The following PTPRC variants were observed in gnomAD, a reference collection of about 807,000 sequenced individuals.
PTPRC encodes the protein receptor-type tyrosine-protein phosphatase C.
In PTPRC, 44 loss-of-function variants were observed where a neutral mutation model predicts 155.9. That is an observed-to-expected ratio of 0.28 (90% CI 0.22 to 0.36). The LOEUF is 0.36. Among genes scored for constraint, PTPRC ranks in the 10% least tolerant of loss-of-function variants. The pLI is 1.00. For synonymous variants in PTPRC, 525 were observed against 533.1 expected (o/e 0.98, Z 0.21); for missense variants, 1,401 against 1,564.6 (o/e 0.90, Z 1.76).
chr1:198,708,129 T>G lies in PTPRC; in HGVS notation c.905-4T>G. The G allele has an allele frequency of 6.2e-7, 1 of 1,601,128 alleles. No homozygotes were observed. The highest frequency in any genetic ancestry group is 8.6e-7 in the Non-Finnish European group (1 of 1,169,326). ...TCAAGTTTATTTCTGTATCTTCTTGTCAGGGGTTGAAAAGTTTCAGTTACA... is the reference window on the plus strand; with the variant it reads ...TCAAGTTTATTTCTGTATCTTCTTGGCAGGGGTTGAAAAGTTTCAGTTACA... On this transcript the variant is annotated splice_polypyrimidine_tract_variant and splice_region_variant and intron_variant, in intron 9 of 32. Coordinates refer to ENST00000442510, the MANE Select transcript of PTPRC (RefSeq NM_002838.5).
chr1:198,691,198 A>C (rs1269527031), intron 2 of PTPRC, among the ~76,000 whole-genome samples: 1 of 152,030 alleles, frequency 6.6e-6, no homozygotes, highest in African/African-American at 2.4e-5. Context: ...CTATATGCTG[A>C]TCTATAGCAT....
At chr1:198,664,588 C>T (rs1157325668) in intron 2 of PTPRC, among the ~76,000 whole-genome samples, 4 of 152,130 alleles carry the variant, frequency 2.6e-5, no homozygotes, top group Non-Finnish European at 4.4e-5. Flanking sequence ...ATACAGTGGC[C>T]TTTAATACTA....
In PTPRC at chr1:198,670,175, T is replaced by C. The variant is rs192349885; in HGVS notation, c.74-22172T>C. On this transcript the variant is annotated intron_variant, in intron 2 of 32. Coordinates refer to ENST00000442510, the MANE Select transcript of PTPRC (RefSeq NM_002838.5). ...GACCTGGTATAGCTTGACTGGGGCC[T>C]ACTTTACAGATTTGTCCTTAAGTAC... 2.6e-5 allele frequency among the ~76,000 whole-genome samples: 4 copies of C among 152,296 alleles called. No individual in the cohort carries two copies. In the East Asian group the frequency reaches 7.7e-4, roughly 29 times the overall value.
intron 2 of PTPRC, among the ~76,000 whole-genome samples, chr1:198,655,528 A>G (rs1023385834): frequency 6.6e-6 from 1 of 152,046 alleles, no homozygotes; most frequent in South Asian, 2.1e-4. Flanking sequence ...GCATTTTGGG[A>G]CAAGTTTTGA....
At chr1:198,688,069 G>T (rs1665728342) in intron 2 of PTPRC, among the ~76,000 whole-genome samples, 1 of 151,532 alleles carries the variant, frequency 6.6e-6, no homozygotes, top group African/African-American at 2.4e-5. Context: ...AAGATAAAAT[G>T]GTGTGTGGGG....
intron 8 of PTPRC, among the ~76,000 whole-genome samples, chr1:198,705,576 G>T (rs545496429): frequency 6.6e-6 from 1 of 151,160 alleles, no homozygotes; most frequent in Non-Finnish European, 1.5e-5. Context: ...ACATGCCACC[G>T]AGCCCAGCTG....
At chr1:198,694,333 G>GGGGGGT in intron 3 of PTPRC, 1 of 122,088 alleles carries the variant, frequency 8.2e-6, no homozygotes, top group Non-Finnish European at 1.4e-5. Flanking sequence ...GGGTGGGGGG[G>GGGGGGT]TTGGGGAGGG....
intron 2 of PTPRC, among the ~76,000 whole-genome samples, chr1:198,666,399 T>C (rs1395317993): frequency 6.6e-6 from 1 of 152,142 alleles, no homozygotes; most frequent in Admixed American, 6.5e-5. Flanking sequence ...AAAGATTCTT[T>C]TAGTGATCAT....
At position 198,731,634 on chromosome 1, in the gene PTPRC, A is replaced by G. The variant is rs760788576; in HGVS notation, c.1882A>G (p.Met628Val). Residue 628 changes from methionine to valine, a missense_variant, in exon 18 of 33, where the codon ATG becomes GTG. Physicochemically the swap from Met to Val is conservative, Grantham distance 21. Around this residue, in one of 3 missense-constraint regions of PTPRC, gnomAD observed 867 missense variants for 970.4 expected, o/e 0.89. Coordinates refer to ENST00000442510, the MANE Select transcript of PTPRC (RefSeq NM_002838.5). ...LVERDDEKQL[M>V]NVEPIHADIL... ...GTTTCCAGATGATGAAAAACAACTG[A>G]TGAATGTGGAGCCAATCCATGCAGA... 6.2e-7 allele frequency: 1 copy of G among 1,609,110 alleles called. No homozygotes were observed. The highest frequency in any genetic ancestry group is 2.2e-5 in the East Asian group (1 of 44,702).
chr1:198,718,050 C>A, intron 13 of PTPRC, 44 bp from the exon 14 acceptor site: 1 of 1,410,636 alleles, frequency 7.1e-7, no homozygotes, highest in Non-Finnish European at 1.0e-6. Flanking sequence ...TTTACATATG[C>A]ATCTATTAAA....
At chr1:198,696,648 CAT>C in intron 3 of PTPRC, 62 bp from the exon 4 acceptor site, 1 of 1,344,854 alleles carries the variant, frequency 7.4e-7, no homozygotes, top group Non-Finnish European at 1.1e-6. Context: ...CTGGGAGGAG[CAT>C]ACATTTAGGG....
At chr1:198,746,110 G>T (rs1200573033) in intron 26 of PTPRC, among the ~76,000 whole-genome samples, 1 of 151,724 alleles carries the variant, frequency 6.6e-6, no homozygotes, top group Non-Finnish European at 1.5e-5. Flanking sequence ...GATTATTCTT[G>T]TCAATGTTGA....
At chr1:198,740,634 G>A (rs978468570) in intron 23 of PTPRC, among the ~76,000 whole-genome samples, 21 of 151,698 alleles carry the variant, frequency 1.4e-4, no homozygotes, top group African/African-American at 5.1e-4. Context: ...AAAAAAGAGT[G>A]GAGACTCAAA....
chr1:198,720,538 C>T (rs1571868650), intron 14 of PTPRC, among the ~76,000 whole-genome samples: 1 of 152,014 alleles, frequency 6.6e-6, no homozygotes, highest in South Asian at 2.1e-4. Flanking sequence ...CCATGTTGGC[C>T]AGGCTGGCCT....
At chr1:198,712,042 A>T (rs1472715218) in intron 11 of PTPRC, among the ~76,000 whole-genome samples, 1 of 152,254 alleles carries the variant, frequency 6.6e-6, no homozygotes, top group Non-Finnish European at 1.5e-5. Context: ...AGGAAACATG[A>T]CAAAGCAGAT....
At position 198,702,520 on chromosome 1, in the gene PTPRC, G is replaced by C; in HGVS notation, c.573G>C (p.Ala191=). ...PARTSNTTIT[A]NTSDAYLNAS... is the part of the protein sequence containing the mutation. ...GCACCTCCAACACCACCATCACAGC[G>C]AACACCTCAGGTCTGACTATGCTGC... Residue 191 remains alanine (A), a synonymous_variant, in exon 6 of 33, where the codon GCG becomes GCC. Coordinates refer to ENST00000442510, the MANE Select transcript of PTPRC (RefSeq NM_002838.5). The C allele has an allele frequency of 6.2e-7, 1 of 1,614,150 alleles. No homozygotes were observed. The highest frequency in any genetic ancestry group is 1.3e-5 in the African/African-American group (1 of 75,036).
At chr1:198,688,101 G>C (rs1032712075) in intron 2 of PTPRC, among the ~76,000 whole-genome samples, 1 of 151,580 alleles carries the variant, frequency 6.6e-6, no homozygotes, top group Non-Finnish European at 1.5e-5. Context: ...GTGTGTGTCT[G>C]TGTGTGTGTG....
chr1:198,718,122 C>A lies in PTPRC; in HGVS notation c.1479C>A (p.Val493=), dbSNP rs1346394576. The part of the protein sequence containing the change: ...APPSQVWNMT[V]SMTSDNSMHV... Reference sequence around the variant, plus strand: ...CAAGCCAGGTCTGGAACATGACTGTCTCCATGACATCAGATAATAGTATGC... The same window carrying A: ...CAAGCCAGGTCTGGAACATGACTGTATCCATGACATCAGATAATAGTATGC... The change falls in exon 14 of 33, where the codon GTC becomes GTA. Residue 493 remains valine, a synonymous_variant. Coordinates refer to ENST00000442510, the MANE Select transcript of PTPRC (RefSeq NM_002838.5). The A allele has an allele frequency of 1.2e-6, 2 of 1,613,710 alleles. No homozygotes were observed. The highest frequency in any genetic ancestry group is 1.1e-5 in the South Asian group (1 of 91,064).
At chr1:198,679,728 C>A (rs534067828) in intron 2 of PTPRC, 1 of 398,216 alleles carries the variant, frequency 2.5e-6, no homozygotes. Flanking sequence ...CCCGAGCCCA[C>A]GTAATGGAGA....
Sources: allele counts gnomAD v4.1 joint callset (sites outside exome capture counted in the v4.1 genomes callset), GRCh38; gene constraint gnomAD v4.1.1; regional missense constraint gnomAD v4.1.1; transcripts MANE v1.5; gene names NCBI Gene and HGNC (gene_info 2026-07-23, HGNC 2026-07-21).